Variants in YAE1 observed in about 807,000 individuals in gnomAD.
YAE1 encodes protein YAE1 homolog.
Under a neutral mutation model 23.0 loss-of-function variants are expected in YAE1, and 22 were observed. That is an observed-to-expected ratio of 0.96 (90% CI 0.68 to 1.37). YAE1 has a LOEUF of 1.37. Among genes scored for constraint, YAE1 ranks in the 40% most tolerant of loss-of-function variants. YAE1 has a pLI of 0.00. For missense variants in YAE1, 260 were observed against 262.1 expected (o/e 0.99, Z 0.06); for synonymous variants, 101 against 97.0 (o/e 1.04, Z -0.24).
At chr7:39,597,926 A>T (rs930050250) in intron 2 of YAE1, among the ~76,000 whole-genome samples, 9 of 152,278 alleles carry the variant, frequency 5.9e-5, no homozygotes, top group African/African-American at 2.2e-4. Flanking sequence ...CTCTAAGGAA[A>T]TGGGGAGGAA....
chr7:39,583,311 A>G (rs535357705), intron 2 of YAE1, among the ~76,000 whole-genome samples: 2 of 152,376 alleles, frequency 1.3e-5, no homozygotes, highest in Non-Finnish European at 2.9e-5. Flanking sequence ...AACAAAATAA[A>G]GTTCTTTATT....
chr7:39,598,354 C>A (rs1408699054), intron 2 of YAE1, among the ~76,000 whole-genome samples: 1 of 151,654 alleles, frequency 6.6e-6, no homozygotes. Context: ...AAGTGATCCA[C>A]CTGCCTCGCC....
At chr7:39,568,524 G>A (rs887303833) in intron 1 of YAE1, among the ~76,000 whole-genome samples, 1 of 152,042 alleles carries the variant, frequency 6.6e-6, no homozygotes, top group Non-Finnish European at 1.5e-5. Flanking sequence ...ACAATTTCAA[G>A]TAGTTCAGCA....
intron 2 of YAE1, among the ~76,000 whole-genome samples, chr7:39,581,061 T>C (rs1790734979): frequency 6.6e-6 from 1 of 152,166 alleles, no homozygotes; most frequent in African/African-American, 2.4e-5. Flanking sequence ...TCTCACTCTC[T>C]CTTTTTCTCT....
At chr7:39,593,203 G>A (rs866565463) in intron 2 of YAE1, among the ~76,000 whole-genome samples, 2 of 2,972 alleles carry the variant, frequency 6.7e-4, no homozygotes, top group Admixed American at 2.4e-3. Context: ...TTTTTTTTTT[G>A]AGACAGAGTC....
At chr7:39,580,513 G>A (rs1026887144) in intron 2 of YAE1, among the ~76,000 whole-genome samples, 1 of 151,486 alleles carries the variant, frequency 6.6e-6, no homozygotes, top group Non-Finnish European at 1.5e-5. Context: ...TCATGCATGT[G>A]TATGCAACTC....
chr7:39,607,007 A>G (rs751335641), intron 2 of YAE1, among the ~76,000 whole-genome samples: 15 of 152,212 alleles, frequency 9.9e-5, no homozygotes, highest in Non-Finnish European at 2.1e-4. Context: ...GCTTGCTATC[A>G]ACAATTATGT....
At chr7:39,605,740 T>C (rs1288934953) in intron 2 of YAE1, among the ~76,000 whole-genome samples, 1 of 152,206 alleles carries the variant, frequency 6.6e-6, no homozygotes, top group African/African-American at 2.4e-5. Flanking sequence ...TCTCTCTCTC[T>C]GTTGGTTCTG....
At chr7:39,571,185 C>T (rs768648893) in intron 2 of YAE1, among the ~76,000 whole-genome samples, 1 of 151,826 alleles carries the variant, frequency 6.6e-6, no homozygotes, top group Non-Finnish European at 1.5e-5. Context: ...TGGCCCAGGA[C>T]GGCTTTGAAT....
intron 2 of YAE1, among the ~76,000 whole-genome samples, chr7:39,601,230 T>C (rs1397826894): frequency 6.6e-6 from 1 of 152,218 alleles, no homozygotes; most frequent in Non-Finnish European, 1.5e-5. Context: ...GCCAGGAACA[T>C]GCTTAATTCC....
At chr7:39,573,859 A>G (rs1331495971), downstream of YAE1, among the ~76,000 whole-genome samples, 1 of 152,198 alleles carries the variant, frequency 6.6e-6, no homozygotes, top group Non-Finnish European at 1.5e-5. Flanking sequence ...CGCTGAAGAT[A>G]CCAGTGCCAT....
At chr7:39,577,542 C>T (rs547746789), downstream of YAE1, among the ~76,000 whole-genome samples, 8 of 152,292 alleles carry the variant, frequency 5.3e-5, no homozygotes, top group South Asian at 6.2e-4. Flanking sequence ...GTTTAGCACC[C>T]GGGCCAGCAG....
intron 2 of YAE1, among the ~76,000 whole-genome samples, chr7:39,571,377 T>C (rs1790562310): frequency 6.6e-6 from 1 of 151,420 alleles, no homozygotes; most frequent in Admixed American, 6.6e-5. Flanking sequence ...AGCCAAAAGA[T>C]TGGACACCCC....
At position 39,569,815 on chromosome 7, in the gene YAE1, C is replaced by T; in HGVS notation, c.130-691C>T. 4 of 788,966 alleles carry T rather than the reference C, an allele frequency of 5.1e-6. No individual in the cohort carries two copies. In the Admixed American group the frequency reaches 6.9e-5, roughly 14 times the overall value. 48.9% of individuals were successfully genotyped at this position (788,966 alleles called of 1,614,324 possible). A position where few individuals can be genotyped will look rare whatever the true frequency, so the allele number is the denominator to read the frequency against. On this transcript the variant is annotated intron_variant, in intron 1 of 2. Transcript: ENST00000223273. ...GGTTCAATACTCTTCCACTCTTTAT[C>T]ACTTATAAAGTTTATGAAGTCCTTC...
At chr7:39,566,674 C>A in intron 1 of YAE1, 127 bp downstream of exon 1, 1 of 1,287,100 alleles carries the variant, frequency 7.8e-7, no homozygotes. Context: ...GGACCCGGTC[C>A]GACCCGCGTC....
At chr7:39,571,778 G>A (rs17770612) in intron 2 of YAE1, among the ~76,000 whole-genome samples, 2,157 of 152,240 alleles carry the variant, frequency 0.014, 60 homozygotes, top group East Asian at 0.13. Context: ...TCTACTCTGT[G>A]ACATAAGCCC....
chr7:39,585,632 A>AT (rs1209930513), intron 2 of YAE1, among the ~76,000 whole-genome samples: 4 of 152,138 alleles, frequency 2.6e-5, no homozygotes, highest in Non-Finnish European at 4.4e-5. Context: ...ATTCTTCCAG[A>AT]TTTTTTCTAT....
chr7:39,596,468 C>T (rs1231253216), intron 2 of YAE1, among the ~76,000 whole-genome samples: 1 of 152,042 alleles, frequency 6.6e-6, no homozygotes, highest in South Asian at 2.1e-4. Context: ...GAACTCCTAA[C>T]CTCAGCCTCA....
downstream of YAE1, among the ~76,000 whole-genome samples, chr7:39,573,559 T>C (rs978478016): frequency 6.6e-6 from 1 of 152,164 alleles, no homozygotes; most frequent in Non-Finnish European, 1.5e-5. Context: ...TCAGCACTTT[T>C]ATTCACCTGA....
Sources: gnomAD v4.1 joint callset for allele counts (sites outside exome capture counted in the v4.1 genomes callset) on GRCh38, gnomAD v4.1.1 for gene constraint, MANE v1.5 for transcripts, NCBI Gene and HGNC (gene_info 2026-07-23, HGNC 2026-07-21) for gene names.